The following PIGG variants were observed in gnomAD, a reference collection of about 807,000 sequenced individuals.
PIGG encodes phosphatidylinositol glycan anchor biosynthesis class G (EMM blood group).
Under a neutral mutation model 83.2 loss-of-function variants are expected in PIGG, and 70 were observed. The ratio of observed to expected loss-of-function variants is 0.84; its 90% CI spans 0.69 to 1.03. PIGG has a LOEUF of 1.03. PIGG is among the 50% of genes least tolerant of loss of function. The pLI, the probability that PIGG is intolerant of heterozygous loss-of-function variation, is 0.00. For synonymous variants in PIGG, 532 were observed against 519.5 expected (o/e 1.02, Z -0.33); for missense variants, 1,257 against 1,233.6 (o/e 1.02, Z -0.28).
rs7666226 is a variant in PIGG at position 523,587 on chromosome 4, T to C, written c.1743T>C (p.Leu581=). The change falls in exon 9 of 13, where the codon CTT becomes CTC. Residue 581 remains leucine, a synonymous_variant. Coordinates refer to ENST00000453061, the MANE Select transcript of PIGG (RefSeq NM_001127178.3). ...VEEEHQTWYF[L]VNTLCLALSQ... ...AGGAGCACCAGACCTGGTACTTCCT[T>C]GTGAACACCCTGTGTCTAGCTCTGA... The C allele has an allele frequency of 0.14, 220,457 of 1,613,794 alleles. 17,665 individuals carry two copies. The highest frequency in any genetic ancestry group is 0.34 in the African/African-American group (25,785 of 74,910).
Position 516,018 on chromosome 4 carries a change from C to T in PIGG, c.947C>T (p.Ala316Val), listed in dbSNP as rs77060927. 13 of 1,613,936 alleles carry T rather than the reference C, an allele frequency of 8.1e-6. No individual in the cohort carries two copies. The East Asian group carries it at 1.1e-4, about 14-fold the overall frequency. ...PKHVQQTDVA[A>V]TLAIALGLPI... is the part of the protein sequence containing the mutation. Reference sequence around the variant, plus strand: ...CACGTCCAACAGACGGATGTGGCTGCGACACTGGCGATAGCACTTGGCTTA... The same window carrying T: ...CACGTCCAACAGACGGATGTGGCTGTGACACTGGCGATAGCACTTGGCTTA... The change falls in exon 6 of 13, where the codon GCG becomes GTG. Residue 316 changes from alanine (A) to valine (V), a missense_variant. Transcript: ENST00000453061.
Position 539,395 on chromosome 4 carries a change from T to G in PIGG, c.*26T>G, listed in dbSNP as rs375113747. 1.3e-4 allele frequency: 173 copies of G among 1,353,954 alleles called. 1 individual carries two copies. In the South Asian group the frequency reaches 1.4e-3, roughly 11 times the overall value. The allele number at this position is 1,353,954 out of a possible 1,614,324, so 83.9% of individuals were successfully genotyped here. ...ACTAAGCTGAACACTGGAAAAATAA[T>G]ACATGCTTAAAGTCTGCTGTTATTC... On this transcript the variant is annotated 3_prime_UTR_variant, in exon 13 of 13. Coordinates refer to ENST00000453061, the MANE Select transcript of PIGG (RefSeq NM_001127178.3).
At position 521,788 on chromosome 4, in the gene PIGG, C is replaced by T. The variant is rs893004331; in HGVS notation, c.1461C>T (p.His487=). The T allele has an allele frequency of 4.9e-5, 79 of 1,614,100 alleles. No homozygotes were observed. Among genetic ancestry groups the T allele is most frequent in the Non-Finnish European group, 6.0e-5 (71 of 1,180,050 alleles). The part of the protein sequence containing the change: ...YLVILVLSAV[H]VIVCTSAESS... Reference sequence around the variant, plus strand: ...TGATCCTGGTTCTTTCGGCCGTTCACGTCATTGTGTGCACCTCAGCTGAAA... The same window carrying T: ...TGATCCTGGTTCTTTCGGCCGTTCATGTCATTGTGTGCACCTCAGCTGAAA... The change falls in exon 8 of 13, where the codon CAC becomes CAT. Residue 487 remains histidine, a synonymous_variant. Coordinates refer to ENST00000453061, the MANE Select transcript of PIGG (RefSeq NM_001127178.3).
At position 528,109 on chromosome 4, in the gene PIGG, C is replaced by T; in HGVS notation, c.2261+879C>T. 12 of 985,268 alleles carry T rather than the reference C, an allele frequency of 1.2e-5. No individual in the cohort carries two copies. Among genetic ancestry groups the T allele is most frequent in the Non-Finnish European group, 1.4e-5 (12 of 829,894 alleles). 61.0% of individuals were successfully genotyped at this position (985,268 alleles called of 1,614,324 possible). A position where few individuals can be genotyped will look rare whatever the true frequency, so the allele number is the denominator to read the frequency against. On this transcript the variant is annotated intron_variant, in intron 10 of 12. Coordinates refer to ENST00000453061, the MANE Select transcript of PIGG (RefSeq NM_001127178.3). This position sits in a 1 kb window ranked among gnomAD's most constrained non-coding sequence, Gnocchi z 4.8. ...GTGAGGTCGGTGCTCTGATAGTGACCCTCTCAGTGAGGTCGGTGCTCTGCA... is the reference window on the plus strand; with the variant it reads ...GTGAGGTCGGTGCTCTGATAGTGACTCTCTCAGTGAGGTCGGTGCTCTGCA...
intron 5 of PIGG, among the ~76,000 whole-genome samples, chr4:510,346 C>T (rs563415706): frequency 6.6e-6 from 1 of 152,360 alleles, no homozygotes; most frequent in East Asian, 1.9e-4. Flanking sequence ...ACGGTTCTCT[C>T]ATGCTATTGT....
chr4:525,393 C>T (rs1323277625), intron 9 of PIGG: 10 of 982,420 alleles, frequency 1.0e-5, no homozygotes, highest in African/African-American at 3.5e-5. Context: ...AGAGCATCTG[C>T]GGCGAGAGTA....
At chr4:534,355 CT>C (rs1417493246) in intron 12 of PIGG, among the ~76,000 whole-genome samples, 1 of 152,238 alleles carries the variant, frequency 6.6e-6, no homozygotes, top group African/African-American at 2.4e-5. Context: ...CGTCCTTCCC[CT>C]TTGGGGACAT....
At chr4:513,852 A>T (rs1224449595) in intron 5 of PIGG, among the ~76,000 whole-genome samples, 1 of 152,204 alleles carries the variant, frequency 6.6e-6, no homozygotes, top group Non-Finnish European at 1.5e-5. Flanking sequence ...GTCACAAACC[A>T]ATCAAAGGTG....
intron 4 of PIGG, 103 bp from the exon 5 acceptor site, chr4:508,726 C>A: frequency 2.0e-6 from 2 of 999,544 alleles, no homozygotes; most frequent in Non-Finnish European, 3.1e-6. Flanking sequence ...TGAGAAAGAG[C>A]TACAACTCTA....
At chr4:506,244 G>T (rs73072125) in intron 3 of PIGG, among the ~76,000 whole-genome samples, 4,918 of 152,226 alleles carry the variant, frequency 0.032, 155 homozygotes, top group African/African-American at 0.073. Flanking sequence ...GGGTGAGTGG[G>T]GACTCCCCAG....
At chr4:520,098 G>A (rs113146962) in intron 6 of PIGG, among the ~76,000 whole-genome samples, 32 of 152,230 alleles carry the variant, frequency 2.1e-4, no homozygotes, top group Non-Finnish European at 4.3e-4. Flanking sequence ...TCAGTGGCTT[G>A]AGCGCCTGTG....
rs767022487 is a variant in PIGG at position 523,607 on chromosome 4, C to G, written c.1763C>G (p.Ala588Gly). ...WYFLVNTLCL[A>G]LSQETYRNYF... ...TTCCTTGTGAACACCCTGTGTCTAGCTCTGAGCCAAGAAACCTACAGAAAC... is the reference window on the plus strand; with the variant it reads ...TTCCTTGTGAACACCCTGTGTCTAGGTCTGAGCCAAGAAACCTACAGAAAC... The change falls in exon 9 of 13, where the codon GCT (alanine) becomes GGT (glycine). Residue 588 changes from alanine (A) to glycine (G), a missense_variant. Physicochemically the swap from Ala to Gly is moderately conservative, Grantham distance 60. Coordinates refer to ENST00000453061, the MANE Select transcript of PIGG (RefSeq NM_001127178.3). The G allele has an allele frequency of 8.1e-6, 13 of 1,614,186 alleles. No homozygotes were observed. The East Asian group carries it at 2.7e-4, about 33-fold the overall frequency.
At chr4:514,063 T>C (rs1047515366) in intron 5 of PIGG, among the ~76,000 whole-genome samples, 4 of 152,208 alleles carry the variant, frequency 2.6e-5, no homozygotes, top group African/African-American at 9.6e-5. Context: ...TGTTAACGTC[T>C]TTAAAAGACT....
At position 515,432 on chromosome 4, in the gene PIGG, G is replaced by C. The variant is rs1723505251; in HGVS notation, c.902-541G>C. On this transcript the variant is annotated intron_variant, in intron 5 of 12. Transcript: ENST00000453061. This position sits in a 1 kb window ranked among gnomAD's most constrained non-coding sequence, Gnocchi z 4.2. The stretch of plus-strand genomic sequence containing the variant: ...ATGTCCAGCTTGTCCAAGTTGATTA[G>C]AGCACCCGGCCCAGCTGAACCTGCC... Among the ~76,000 whole-genome samples the C allele has an allele frequency of 6.6e-6, 1 of 152,206 alleles. No individual in the cohort carries two copies. The highest frequency in any genetic ancestry group is 2.4e-5 in the African/African-American group (1 of 41,448).
At position 528,590 on chromosome 4, in the gene PIGG, G is replaced by A. The variant is rs1467186985; in HGVS notation, c.2261+1360G>A. 1.0e-6 allele frequency: 1 copy of A among 985,318 alleles called. No homozygotes were observed. Among genetic ancestry groups the A allele is most frequent in the Non-Finnish European group, 1.2e-6 (1 of 829,934 alleles). 61.0% of individuals were successfully genotyped at this position (985,318 alleles called of 1,614,324 possible). ...AGAGGATGCTGACGTGCAGGTACCA[G>A]CGGTGTTCTGTGGAGATGTCTCAAA... On this transcript the variant is annotated intron_variant, in intron 10 of 12. Coordinates refer to ENST00000453061, the MANE Select transcript of PIGG (RefSeq NM_001127178.3). This position sits in a 1 kb window ranked among gnomAD's most constrained non-coding sequence, Gnocchi z 4.8.
Position 533,700 on chromosome 4 carries a change from C to T in PIGG, c.2572-118C>T, listed in dbSNP as rs192254158. 78 of 902,470 alleles carry T rather than the reference C, an allele frequency of 8.6e-5. No homozygotes were observed. The African/African-American group carries it at 1.0e-3, about 12-fold the overall frequency. 55.9% of individuals were successfully genotyped at this position (902,470 alleles called of 1,614,324 possible). ...CCTCTGACCACACGTGTGTCCGTGC[C>T]GGCGTGGTTATCTGGGCTGCCTACA... On this transcript the variant is annotated intron_variant, in intron 11 of 12. Transcript: ENST00000453061.
Position 509,588 on chromosome 4 carries a change from C to A in PIGG, c.901+618C>A, listed in dbSNP as rs115502936. ...TGGTGAGCTCAGCGGTAATTTCTGC[C>A]GTCAGGCACAGCAGACGCTTTCGGG... On this transcript the variant is annotated intron_variant, in intron 5 of 12. Coordinates refer to ENST00000453061, the MANE Select transcript of PIGG (RefSeq NM_001127178.3). Among the ~76,000 whole-genome samples, 569 of 152,360 alleles carry A rather than the reference C, an allele frequency of 3.7e-3. 8 individuals carry two copies. The South Asian group carries it at 0.052, about 14-fold the overall frequency.
At chr4:501,486 C>T (rs993074575) in intron 2 of PIGG, 14 of 202,224 alleles carry the variant, frequency 6.9e-5, no homozygotes, top group Non-Finnish European at 9.1e-5. Flanking sequence ...GTGAGTGTAT[C>T]GCATGTGAGC....
intron 11 of PIGG, chr4:532,645 G>A (rs1163383847): frequency 6.6e-6 from 1 of 152,450 alleles, no homozygotes; most frequent in Non-Finnish European, 1.5e-5. Context: ...AACATGACTT[G>A]GGGACCCCCT....
Sources: allele counts gnomAD v4.1 joint callset (sites outside exome capture counted in the v4.1 genomes callset), GRCh38; gene constraint gnomAD v4.1.1; non-coding constraint Gnocchi (gnomAD v3.1); transcripts MANE v1.5; gene names NCBI Gene and HGNC (gene_info 2026-07-23, HGNC 2026-07-21).